The following BLNK variants were observed in gnomAD, a reference collection of about 807,000 sequenced individuals.
The protein encoded by BLNK is B-cell linker protein.
A neutral mutation model predicts 73.5 loss-of-function variants in BLNK; 29 were observed. The observed-to-expected ratio is 0.39, with a 90% CI of 0.29 to 0.54. BLNK has a LOEUF of 0.54. Ranked by LOEUF, BLNK falls within the 20% of genes least tolerant of loss-of-function variation. The pLI is 0.61. For synonymous variants in BLNK, 176 were observed against 200.8 expected, an observed-to-expected ratio of 0.88 and a Z score of 1.04; for missense variants, 460 against 562.8, an observed-to-expected ratio of 0.82 and a Z score of 1.85.
chr10:96,205,886 A>T (rs2083788862), intron 11 of BLNK, among the ~76,000 whole-genome samples: 1 of 152,202 alleles, frequency 6.6e-6, no homozygotes, highest in Admixed American at 6.5e-5. Context: ...AAGTCTGCAC[A>T]GGTTGTACTT....
chr10:96,196,076 G>A (rs2083457726), intron 16 of BLNK, among the ~76,000 whole-genome samples: 1 of 152,198 alleles, frequency 6.6e-6, no homozygotes, highest in Non-Finnish European at 1.5e-5. Flanking sequence ...TCTAGCAGGT[G>A]CTGGGTTTGG....
At chr10:96,214,784 C>A (rs958020470) in intron 8 of BLNK, among the ~76,000 whole-genome samples, 1 of 152,170 alleles carries the variant, frequency 6.6e-6, no homozygotes, top group African/African-American at 2.4e-5. Flanking sequence ...TCTCTCTCCT[C>A]AGCACTTAGT....
chr10:96,191,850 C>T lies in BLNK; in HGVS notation c.*123G>A. ...TGGATGACCACTTCAATAGCTGACTCCATCTTCCATTTTATTACTGGATGA... is the reference window on the plus strand; with the variant it reads ...TGGATGACCACTTCAATAGCTGACTTCATCTTCCATTTTATTACTGGATGA... On this transcript the variant is annotated 3_prime_UTR_variant, in exon 17 of 17. Transcript: ENST00000224337. The T allele has an allele frequency of 7.5e-7, 1 of 1,330,648 alleles. No homozygotes were observed. The highest frequency in any genetic ancestry group is 1.1e-6 in the Non-Finnish European group (1 of 934,896). The allele number at this position is 1,330,648 out of a possible 1,614,324, so 82.4% of individuals were successfully genotyped here.
Position 96,246,996 on chromosome 10 carries a change from T to C in BLNK, c.101A>G (p.Asn34Ser). 6.2e-7 allele frequency: 1 copy of C among 1,606,968 alleles called. No individual in the cohort carries two copies. Residue 34 changes from asparagine (N) to serine (S), a missense_variant, in exon 2 of 17, where the codon AAT becomes AGT. Coordinates refer to ENST00000224337, the MANE Select transcript of BLNK (RefSeq NM_013314.4). ...GAGGCGAACTTACTTTTTGATTTTA[T>C]TCATTATTCCACCTTCATTGTTTTT... ...DIKNNEGGIM[N>S]KIKKLKVKAP...
intron 1 of BLNK, among the ~76,000 whole-genome samples, chr10:96,260,820 C>T (rs977031984): frequency 1.8e-4 from 27 of 151,764 alleles, no homozygotes; most frequent in Middle Eastern, 3.4e-3. Context: ...GTCAATAATA[C>T]ATTTAAATAA....
At chr10:96,230,912 G>T (rs1222696496) in intron 3 of BLNK, 78 bp from the exon 4 acceptor site, 4 of 1,473,406 alleles carry the variant, frequency 2.7e-6, no homozygotes, top group Non-Finnish European at 9.4e-7. Flanking sequence ...CACACATTTC[G>T]CACCTGCCTT....
chr10:96,222,096 CTG>C (rs2084209872), intron 6 of BLNK, among the ~76,000 whole-genome samples: 3 of 152,178 alleles, frequency 2.0e-5, no homozygotes, highest in Admixed American at 2.0e-4. Flanking sequence ...TTAAACCCCT[CTG>C]TGTGTGAGGC....
intron 2 of BLNK, 108 bp downstream of exon 2, chr10:96,246,876 A>G (rs1843064490): frequency 1.3e-6 from 1 of 798,882 alleles, no homozygotes; most frequent in South Asian, 1.7e-5. Context: ...GTTACGTGCT[A>G]AAGAGGTAGA....
chr10:96,264,461 G>A (rs533638127), intron 1 of BLNK, among the ~76,000 whole-genome samples: 7 of 152,182 alleles, frequency 4.6e-5, no homozygotes, highest in South Asian at 2.1e-4. Flanking sequence ...AAGAGACAGC[G>A]CTCTTCTGAG....
At chr10:96,209,077 T>C (rs369122059) in intron 9 of BLNK, among the ~76,000 whole-genome samples, 11 of 152,228 alleles carry the variant, frequency 7.2e-5, no homozygotes, top group African/African-American at 2.7e-4. Flanking sequence ...AATCGTCACC[T>C]GACTGTTTAC....
At chr10:96,248,241 C>G (rs958507034) in intron 1 of BLNK, among the ~76,000 whole-genome samples, 1 of 152,140 alleles carries the variant, frequency 6.6e-6, no homozygotes, top group Non-Finnish European at 1.5e-5. Flanking sequence ...ATGGCAAAAA[C>G]TACGATTATT....
At chr10:96,244,677 C>A (rs781853648) in intron 2 of BLNK, among the ~76,000 whole-genome samples, 3 of 152,124 alleles carry the variant, frequency 2.0e-5, no homozygotes, top group Non-Finnish European at 4.4e-5. Context: ...TGACGTCACC[C>A]GGGGTAATGA....
intron 3 of BLNK, among the ~76,000 whole-genome samples, chr10:96,231,123 A>G (rs144812624): frequency 0.01 from 1,548 of 152,318 alleles, 17 homozygotes; most frequent in South Asian, 0.04. Flanking sequence ...AGAGACCTAC[A>G]ATTCATACTA....
intron 7 of BLNK, 96 bp downstream of exon 7, chr10:96,216,557 T>C: frequency 2.8e-6 from 3 of 1,089,716 alleles, no homozygotes; most frequent in Non-Finnish European, 4.2e-6. Context: ...CTGGGCACTG[T>C]CATTTCTGAG....
chr10:96,203,225 A>G (rs928692447), intron 13 of BLNK, among the ~76,000 whole-genome samples: 1 of 152,086 alleles, frequency 6.6e-6, no homozygotes, highest in African/African-American at 2.4e-5. Context: ...GGTATAATAA[A>G]CCTTTTTAAA....
At chr10:96,203,970 A>G in intron 13 of BLNK, 87 bp downstream of exon 13, 1 of 1,093,868 alleles carries the variant, frequency 9.1e-7, no homozygotes, top group African/African-American at 1.5e-5. Context: ...TGGAAGCGAC[A>G]GTGCTGTGTT....
rs75324735 is a variant in BLNK at position 96,268,362 on chromosome 10, C to T, written c.47+2990G>A. 1.4e-3 allele frequency among the ~76,000 whole-genome samples: 212 copies of T among 152,262 alleles called. 3 individuals are homozygous for T. In the East Asian group the frequency reaches 0.02, roughly 15 times the overall value. On this transcript the variant is annotated intron_variant, in intron 1 of 16. Coordinates refer to ENST00000224337, the MANE Select transcript of BLNK (RefSeq NM_013314.4). The stretch of plus-strand genomic sequence containing the variant: ...GATCATAGGAATGTTTACTGTGGAA[C>T]GATTGAAACCCAGCTCTAGCCAGGT...
chr10:96,212,155 A>T (rs587625291), intron 8 of BLNK, among the ~76,000 whole-genome samples: 1 of 152,182 alleles, frequency 6.6e-6, no homozygotes, highest in South Asian at 2.1e-4. Context: ...CATGATTGTC[A>T]TGGTGGAACA....
intron 1 of BLNK, among the ~76,000 whole-genome samples, chr10:96,259,356 A>G (rs1870171): frequency 0.96 from 145,843 of 152,302 alleles, 69,845 homozygotes; most frequent in Middle Eastern, 1. Context: ...AAAAGAGGAA[A>G]GGACAGATGG....
Sources: gnomAD v4.1 joint callset for allele counts (sites outside exome capture counted in the v4.1 genomes callset) on GRCh38, gnomAD v4.1.1 for gene constraint, MANE v1.5 for transcripts, NCBI Gene and HGNC (gene_info 2026-07-23, HGNC 2026-07-21) for gene names.